The following MEGF11 variants were observed in gnomAD, a reference collection of about 807,000 sequenced individuals.
MEGF11 encodes the protein multiple EGF like domains 11, also known as multiple epidermal growth factor-like domains protein 11.
MEGF11 carries 126 observed loss-of-function variants against 146.6 expected under a neutral mutation model. The ratio of observed to expected loss-of-function variants is 0.86; its 90% CI spans 0.74 to 1.00. The LOEUF (loss-of-function observed/expected upper bound fraction) is 1.00. MEGF11 is among the 50% of genes least tolerant of loss of function. The pLI, the probability that MEGF11 is intolerant of heterozygous loss-of-function variation, is 0.00. For synonymous variants in MEGF11, 532 were observed against 583.4 expected (o/e 0.91, Z 1.27); for missense variants, 1,509 against 1,521.2 (o/e 0.99, Z 0.13).
At chr15:66,147,179 C>A (rs939997855) in intron 1 of MEGF11, among the ~76,000 whole-genome samples, 4 of 152,180 alleles carry the variant, frequency 2.6e-5, no homozygotes, top group Non-Finnish European at 4.4e-5. Flanking sequence ...TAAACCACCA[C>A]CTCCCACAGA....
In MEGF11 at chr15:66,086,621, C is replaced by T. The variant is rs560120266; in HGVS notation, c.394+7781G>A. ...CAGACAAACAAATGCTGAGAGAATTCGCCATTACCAAGCCACCACTACAAG... is the reference window on the plus strand; with the variant it reads ...CAGACAAACAAATGCTGAGAGAATTTGCCATTACCAAGCCACCACTACAAG... On this transcript the variant is annotated intron_variant, in intron 5 of 25. Coordinates refer to ENST00000395614, the MANE Select transcript of MEGF11 (RefSeq NM_001385028.1). Among the ~76,000 whole-genome samples, 6 of 151,978 alleles carry T rather than the reference C, an allele frequency of 3.9e-5. No individual in the cohort carries two copies. The East Asian group carries it at 5.8e-4, about 15-fold the overall frequency.
intron 8 of MEGF11, among the ~76,000 whole-genome samples, chr15:65,970,159 C>A (rs779665894): frequency 3.3e-5 from 5 of 152,142 alleles, no homozygotes; most frequent in Non-Finnish European, 7.3e-5. Context: ...TTTGGTGGAA[C>A]CCAAATTAGG....
chr15:66,192,531 A>AAAATC (rs1327032230), intron 1 of MEGF11, among the ~76,000 whole-genome samples: 3 of 144,226 alleles, frequency 2.1e-5, no homozygotes, highest in Middle Eastern at 3.8e-3. Flanking sequence ...AAAATAAAAT[A>AAAATC]AAATCATCAT....
chr15:66,131,741 C>T lies in MEGF11; in HGVS notation c.-8-3330G>A, dbSNP rs561495905. On this transcript the variant is annotated intron_variant, in intron 1 of 25. Transcript: ENST00000395614. ...AAATGCTGCTCGCTATGTCCTCATCCTAAATATTCAGTCTAAGCATTTTAG... is the reference window on the plus strand; with the variant it reads ...AAATGCTGCTCGCTATGTCCTCATCTTAAATATTCAGTCTAAGCATTTTAG... Among the ~76,000 whole-genome samples the T allele has an allele frequency of 2.0e-5, 3 of 152,332 alleles. No homozygotes were observed. The East Asian group carries it at 5.8e-4, about 29-fold the overall frequency.
At chr15:65,935,837 T>G (rs1460062980) in intron 10 of MEGF11, among the ~76,000 whole-genome samples, 1 of 152,200 alleles carries the variant, frequency 6.6e-6, no homozygotes, top group Non-Finnish European at 1.5e-5. Context: ...ACTGTTAAAG[T>G]TTTTTGTCAA....
chr15:66,094,118 A>G lies in MEGF11; in HGVS notation c.394+284T>C, dbSNP rs1256678284. ...AATTTCACATCAACCATCAAAGACC[A>G]TATCTAGAGGTGTTCCATCAAAAGT... is the stretch of plus-strand genomic sequence containing the variant. On this transcript the variant is annotated intron_variant, in intron 5 of 25. Coordinates refer to ENST00000395614, the MANE Select transcript of MEGF11 (RefSeq NM_001385028.1). Among the ~76,000 whole-genome samples the G allele has an allele frequency of 3.3e-5, 5 of 152,210 alleles. No homozygotes were observed. In the South Asian group the frequency reaches 6.2e-4, roughly 19 times the overall value.
chr15:66,177,237 C>T (rs775565068), intron 1 of MEGF11, among the ~76,000 whole-genome samples: 1 of 152,082 alleles, frequency 6.6e-6, no homozygotes, highest in African/African-American at 2.4e-5. Flanking sequence ...GCTCTGATAG[C>T]GTAGATGCAT....
chr15:66,222,803 C>T (rs1374704741), intron 1 of MEGF11, among the ~76,000 whole-genome samples: 1 of 152,174 alleles, frequency 6.6e-6, no homozygotes, highest in Non-Finnish European at 1.5e-5. Context: ...TCTTCAAACC[C>T]ACTAGGATGG....
chr15:66,156,602 C>A lies in MEGF11; in HGVS notation c.-8-28191G>T, dbSNP rs192623845. ...AGATGCTGCTCCCTGAGTCAAGACTCCTGCCAGCCCCTTGGTTTGGAGCCT... is the reference window on the plus strand; with the variant it reads ...AGATGCTGCTCCCTGAGTCAAGACTACTGCCAGCCCCTTGGTTTGGAGCCT... On this transcript the variant is annotated intron_variant, in intron 1 of 25. Transcript: ENST00000395614. Among the ~76,000 whole-genome samples the A allele has an allele frequency of 2.3e-4, 35 of 152,078 alleles. No individual in the cohort carries two copies. The East Asian group carries it at 6.8e-3, about 30-fold the overall frequency.
chr15:65,968,599 CTTAT>C (rs1474435909), intron 8 of MEGF11, among the ~76,000 whole-genome samples: 5 of 151,682 alleles, frequency 3.3e-5, no homozygotes, highest in South Asian at 2.1e-4. Context: ...ATTTAAACAA[CTTAT>C]TTATTTAGAG....
chr15:66,195,507 G>A (rs926429215), intron 1 of MEGF11, among the ~76,000 whole-genome samples: 2 of 152,336 alleles, frequency 1.3e-5, no homozygotes, highest in Middle Eastern at 3.4e-3. Flanking sequence ...TATTTGGGAA[G>A]TGATCCCACA....
At chr15:66,180,767 TAGC>T (rs2090523601) in intron 1 of MEGF11, among the ~76,000 whole-genome samples, 1 of 152,208 alleles carries the variant, frequency 6.6e-6, no homozygotes, top group Admixed American at 6.5e-5. Context: ...CTGGAGCATG[TAGC>T]ATGAGGGGGC....
At chr15:65,995,107 G>A (rs1596967686) in intron 5 of MEGF11, among the ~76,000 whole-genome samples, 1 of 152,206 alleles carries the variant, frequency 6.6e-6, no homozygotes, top group African/African-American at 2.4e-5. Context: ...AGGAGGAACG[G>A]GATTCTGATG....
chr15:66,174,367 C>T (rs1484649367), intron 1 of MEGF11, among the ~76,000 whole-genome samples: 1 of 152,114 alleles, frequency 6.6e-6, no homozygotes, highest in Non-Finnish European at 1.5e-5. Context: ...TAAGCATGTG[C>T]CCGAGACTTA....
At chr15:65,909,600 T>C in intron 22 of MEGF11, 140 bp downstream of exon 22, 1 of 767,174 alleles carries the variant, frequency 1.3e-6, no homozygotes, top group Non-Finnish European at 2.1e-6. Flanking sequence ...CTTCATCTGC[T>C]TGTGAGAGCC....
intron 1 of MEGF11, among the ~76,000 whole-genome samples, chr15:66,166,753 A>G (rs1022665237): frequency 1.3e-5 from 2 of 152,030 alleles, no homozygotes; most frequent in African/African-American, 4.8e-5. Flanking sequence ...TTGTCATTCA[A>G]GTCATCGTCT....
At chr15:66,027,018 T>G (rs1567208009) in intron 5 of MEGF11, among the ~76,000 whole-genome samples, 1 of 152,224 alleles carries the variant, frequency 6.6e-6, no homozygotes, top group Admixed American at 6.5e-5. Flanking sequence ...TCTTGGTGCC[T>G]GTGATCCGCC....
chr15:66,073,746 T>G (rs908896704), intron 5 of MEGF11, among the ~76,000 whole-genome samples: 1 of 152,186 alleles, frequency 6.6e-6, no homozygotes, highest in Non-Finnish European at 1.5e-5. Context: ...GCTCCAAATT[T>G]TCACTGGTAA....
At chr15:65,917,852 A>C in intron 16 of MEGF11, 114 bp downstream of exon 16, 7 of 1,250,296 alleles carry the variant, frequency 5.6e-6, no homozygotes, top group Non-Finnish European at 6.8e-6. Context: ...TACATGCAGA[A>C]GGAGATTTCA....
Sources: gnomAD v4.1 joint callset for allele counts (sites outside exome capture counted in the v4.1 genomes callset) on GRCh38, gnomAD v4.1.1 for gene constraint, MANE v1.5 for transcripts, NCBI Gene and HGNC (gene_info 2026-07-23, HGNC 2026-07-21) for gene names.